The following COL25A1 variants were observed in gnomAD, a reference collection of about 807,000 sequenced individuals.
The protein encoded by COL25A1 is collagen type XXV alpha 1 chain.
A neutral mutation model predicts 128.4 loss-of-function variants in COL25A1; 103 were observed. The ratio of observed to expected loss-of-function variants is 0.80; its 90% CI spans 0.68 to 0.94. The LOEUF (loss-of-function observed/expected upper bound fraction) is 0.94, where lower values mean the gene tolerates loss of function less well. COL25A1 is among the 40% of genes least tolerant of loss of function. The pLI is 0.00. For missense variants in COL25A1, 745 were observed against 840.0 expected, an observed-to-expected ratio of 0.89 and a Z score of 1.40; for synonymous variants, 279 against 277.2, an observed-to-expected ratio of 1.01 and a Z score of -0.06.
Position 108,925,532 on chromosome 4 carries a change from G to A in COL25A1, c.709-4928C>T, listed in dbSNP as rs550381664. 5.9e-5 allele frequency among the ~76,000 whole-genome samples: 9 copies of A among 152,322 alleles called. No homozygotes were observed. In the South Asian group the frequency reaches 1.9e-3, roughly 32 times the overall value. ...AAGTAGGCTATCAGTGAGTAAGTAG[G>A]AGATGGGGATACAAACAGGGAAGAA... On this transcript the variant is annotated intron_variant, in intron 11 of 37. Coordinates refer to ENST00000399132, the MANE Select transcript of COL25A1 (RefSeq NM_198721.4).
intron 30 of COL25A1, among the ~76,000 whole-genome samples, chr4:108,842,562 T>A (rs892866613): frequency 1.3e-5 from 2 of 152,182 alleles, no homozygotes; most frequent in African/African-American, 4.8e-5. Context: ...CAGGAAAAAG[T>A]TTTTATTAAG....
At chr4:109,021,464 C>T (rs1648035) in intron 5 of COL25A1, among the ~76,000 whole-genome samples, 77,182 of 152,074 alleles carry the variant, frequency 0.51, 22,283 homozygotes, top group African/African-American at 0.78. Context: ...CCTGTTATCT[C>T]TGTAAGCTGA....
chr4:108,904,925 A>T (rs529266557), intron 13 of COL25A1, among the ~76,000 whole-genome samples: 3 of 151,850 alleles, frequency 2.0e-5, no homozygotes, highest in East Asian at 3.9e-4. Context: ...TTTTAAAAAA[A>T]CAACTCTTTT....
intron 3 of COL25A1, among the ~76,000 whole-genome samples, chr4:109,103,383 G>GT (rs1157265143): frequency 6.6e-6 from 1 of 151,988 alleles, no homozygotes; most frequent in African/African-American, 2.4e-5. Flanking sequence ...AAATACTTTT[G>GT]TTTTTTGCCT....
At chr4:108,819,817 G>A (rs925803681) in intron 35 of COL25A1, 11 of 1,229,440 alleles carry the variant, frequency 8.9e-6, no homozygotes, top group Non-Finnish European at 1.1e-5. Context: ...CATACCAACG[G>A]GCAGGGTGCA....
At chr4:109,240,404 G>A (rs544141879) in intron 3 of COL25A1, among the ~76,000 whole-genome samples, 53 of 152,108 alleles carry the variant, frequency 3.5e-4, no homozygotes, top group African/African-American at 9.6e-4. Context: ...GGTCATATAT[G>A]CAGTTTGTTA....
At chr4:109,109,735 T>C (rs1258704942) in intron 3 of COL25A1, among the ~76,000 whole-genome samples, 1 of 152,142 alleles carries the variant, frequency 6.6e-6, no homozygotes. Flanking sequence ...TTTTGGACTG[T>C]TAATCCCAAA....
chr4:109,095,666 G>T (rs2126014666), intron 3 of COL25A1, among the ~76,000 whole-genome samples: 1 of 152,302 alleles, frequency 6.6e-6, no homozygotes, highest in Admixed American at 6.5e-5. Flanking sequence ...AAAATCAGCT[G>T]CCCGTCTGAA....
intron 3 of COL25A1, among the ~76,000 whole-genome samples, chr4:109,159,687 T>A (rs1772374566): frequency 6.6e-6 from 1 of 152,188 alleles, no homozygotes; most frequent in African/African-American, 2.4e-5. Flanking sequence ...AAGGCTCCAA[T>A]TTGAGGTATT....
At chr4:109,143,291 C>A (rs1001311147) in intron 3 of COL25A1, among the ~76,000 whole-genome samples, 5 of 152,224 alleles carry the variant, frequency 3.3e-5, no homozygotes, top group Admixed American at 6.5e-5. Context: ...GTCTGATGGG[C>A]TTCCCTTTGT....
chr4:109,095,679 G>C (rs1181037933), intron 3 of COL25A1, among the ~76,000 whole-genome samples: 3 of 152,162 alleles, frequency 2.0e-5, no homozygotes, highest in African/African-American at 7.2e-5. Context: ...CGTCTGAAAA[G>C]CCTTTGAAGA....
chr4:108,961,870 A>T (rs1750750628), intron 8 of COL25A1, among the ~76,000 whole-genome samples: 2 of 152,226 alleles, frequency 1.3e-5, no homozygotes, highest in Admixed American at 1.3e-4. Flanking sequence ...AATAAGCCTG[A>T]TGAAAGGCCA....
chr4:109,121,444 C>T (rs1264975423), intron 3 of COL25A1, among the ~76,000 whole-genome samples: 1 of 151,978 alleles, frequency 6.6e-6, no homozygotes, highest in Non-Finnish European at 1.5e-5. Context: ...AAACTAACAA[C>T]CTAATTAAAA....
chr4:108,936,333 C>T (rs1319985316), intron 11 of COL25A1, among the ~76,000 whole-genome samples: 1 of 152,066 alleles, frequency 6.6e-6, no homozygotes, highest in African/African-American at 2.4e-5. Flanking sequence ...CTTTGGGAGG[C>T]CGAGGCAGGT....
intron 3 of COL25A1, among the ~76,000 whole-genome samples, chr4:109,187,693 T>C (rs1306937380): frequency 6.6e-6 from 1 of 152,162 alleles, no homozygotes; most frequent in East Asian, 1.9e-4. Flanking sequence ...CATTTGATTG[T>C]AGTGTTATAA....
intron 3 of COL25A1, among the ~76,000 whole-genome samples, chr4:109,254,001 G>A (rs1019788805): frequency 1.3e-5 from 2 of 151,692 alleles, no homozygotes; most frequent in Admixed American, 6.6e-5. Context: ...GCAGGAGAAT[G>A]GCGCGAACCC....
At chr4:108,982,188 T>C (rs1484486334) in intron 6 of COL25A1, among the ~76,000 whole-genome samples, 1 of 152,130 alleles carries the variant, frequency 6.6e-6, no homozygotes, top group East Asian at 1.9e-4. Context: ...AGTGAGACTC[T>C]GTCTCAAAAA....
chr4:108,868,732 G>GA (rs1477716045), intron 20 of COL25A1, among the ~76,000 whole-genome samples: 1 of 143,906 alleles, frequency 6.9e-6, no homozygotes, highest in Non-Finnish European at 1.5e-5. Flanking sequence ...AGAAAGGAAG[G>GA]GAGGAAGGAA....
intron 3 of COL25A1, among the ~76,000 whole-genome samples, chr4:109,233,319 GTTCT>G (rs1779270272): frequency 1.3e-5 from 2 of 152,036 alleles, no homozygotes; most frequent in African/African-American, 2.4e-5. Flanking sequence ...TCTTTGTCTT[GTTCT>G]TTCTTTGTCC....
Sources: allele counts gnomAD v4.1 joint callset (sites outside exome capture counted in the v4.1 genomes callset), GRCh38; gene constraint gnomAD v4.1.1; transcripts MANE v1.5; gene names NCBI Gene and HGNC (gene_info 2026-07-23, HGNC 2026-07-21).